PPFIA2: variants seen among roughly 807,000 people sequenced by gnomAD.
PPFIA2 encodes PPFI scaffold protein A2.
Under a neutral mutation model 175.5 loss-of-function variants are expected in PPFIA2, and 46 were observed. The ratio of observed to expected loss-of-function variants is 0.26; its 90% confidence interval spans 0.21 to 0.34. The LOEUF (loss-of-function observed/expected upper bound fraction) is 0.34. PPFIA2 is among the 10% of genes least tolerant of loss of function. The probability of loss-of-function intolerance (pLI) is 1.00; values close to 1 mark genes in which losing one functional copy is unlikely to be tolerated. For missense variants in PPFIA2, 1,179 were observed against 1,506.1 expected, an observed-to-expected ratio of 0.78 and a Z score of 3.60; for synonymous variants, 568 against 511.4, an observed-to-expected ratio of 1.11 and a Z score of -1.49.
chr12:81,565,022 G>A (rs934477814), intron 4 of PPFIA2, among the ~76,000 whole-genome samples: 10 of 152,178 alleles, frequency 6.6e-5, no homozygotes, highest in Non-Finnish European at 1.0e-4. Context: ...CCTGCAACTC[G>A]GAATGGGGAT....
chr12:81,705,206 T>C (rs1369697426), intron 3 of PPFIA2, among the ~76,000 whole-genome samples: 1 of 150,628 alleles, frequency 6.6e-6, no homozygotes, highest in Non-Finnish European at 1.5e-5. Context: ...TCCCAGCAGT[T>C]TGGGAGGCCG....
At chr12:81,473,963 A>C (rs1327720758) in intron 4 of PPFIA2, among the ~76,000 whole-genome samples, 1 of 152,182 alleles carries the variant, frequency 6.6e-6, no homozygotes, top group East Asian at 1.9e-4. Context: ...AAAAACGGCT[A>C]TGTGTCAAAG....
At chr12:81,549,201 A>G (rs1162812844) in intron 4 of PPFIA2, among the ~76,000 whole-genome samples, 3 of 151,878 alleles carry the variant, frequency 2.0e-5, no homozygotes, top group African/African-American at 7.3e-5. Context: ...ATACAGTTCT[A>G]GCTTTGCTGC....
chr12:81,615,412 C>T (rs913508682), intron 4 of PPFIA2, among the ~76,000 whole-genome samples: 20 of 151,974 alleles, frequency 1.3e-4, no homozygotes, highest in African/African-American at 2.7e-4. Context: ...TTTAAAAGAC[C>T]GAAATGAGGT....
chr12:81,712,753 CTT>C (rs888094509), intron 3 of PPFIA2, among the ~76,000 whole-genome samples: 1 of 142,222 alleles, frequency 7.0e-6, no homozygotes, highest in Admixed American at 7.4e-5. Context: ...TGGGACATCA[CTT>C]TTTTTTTTTT....
intron 3 of PPFIA2, among the ~76,000 whole-genome samples, chr12:81,745,456 G>T (rs61935573): frequency 0.17 from 25,402 of 152,134 alleles, 2,615 homozygotes; most frequent in Admixed American, 0.25. Flanking sequence ...ACCACTGTCT[G>T]GGACTTCTGG....
At position 81,631,949 on chromosome 12, in the gene PPFIA2, A is replaced by G. The variant is rs567445437; in HGVS notation, c.303+44842T>C. On this transcript the variant is annotated intron_variant, in intron 4 of 32. Transcript: ENST00000549396. ...CATCTTAGCTATTAATATCAATAAT[A>G]AGGACAAATTAAATATGTATTAAGT... Among the ~76,000 whole-genome samples, 11 of 152,364 alleles carry G rather than the reference A, an allele frequency of 7.2e-5. No homozygotes were observed. In the South Asian group the frequency reaches 2.1e-3, roughly 29 times the overall value.
intron 4 of PPFIA2, 102 bp downstream of exon 4, chr12:81,676,689 G>T (rs1297241491): frequency 1.4e-6 from 1 of 728,140 alleles, no homozygotes; most frequent in Non-Finnish European, 2.0e-6. Context: ...TTTATAAAAA[G>T]TACCTGCATA....
rs192262514 is a variant in PPFIA2, at chr12:81,691,464, T to C, written c.250-14620A>G. Among the ~76,000 whole-genome samples the C allele has an allele frequency of 4.0e-3, 603 of 152,246 alleles. 1 individual carries two copies. The highest frequency in any genetic ancestry group is 6.6e-3 in the Admixed American group (100 of 15,260). On this transcript the variant is annotated intron_variant, in intron 3 of 32. Transcript: ENST00000549396. Reference sequence around the variant, plus strand: ...AGGACTCTGCCTTAAAGTATCCTCTTTCAGTACCTGAAATTCCTTTTATTA... The same window carrying C: ...AGGACTCTGCCTTAAAGTATCCTCTCTCAGTACCTGAAATTCCTTTTATTA...
Position 81,363,059 on chromosome 12 carries a change from G to A in PPFIA2, c.1546-275C>T, listed in dbSNP as rs141470869. Among the ~76,000 whole-genome samples, 641 of 151,524 alleles carry A rather than the reference G, an allele frequency of 4.2e-3. 5 individuals are homozygous for A. Among genetic ancestry groups the A allele is most frequent in the African/African-American group, 0.015 (611 of 41,444 alleles). On this transcript the variant is annotated intron_variant, in intron 14 of 32. Coordinates refer to ENST00000549396, the MANE Select transcript of PPFIA2 (RefSeq NM_003625.5). ...TATTAAAATTATGACTAGCTATGTA[G>A]ATGTCACTTAAAAATGCAGAGTAGA...
At chr12:81,692,720 T>G (rs997121189) in intron 3 of PPFIA2, among the ~76,000 whole-genome samples, 1 of 152,142 alleles carries the variant, frequency 6.6e-6, no homozygotes, top group Non-Finnish European at 1.5e-5. Context: ...CAACTATCAA[T>G]ATGAATCATA....
At chr12:81,334,804 C>T (rs1474982898) in intron 21 of PPFIA2, among the ~76,000 whole-genome samples, 1 of 152,182 alleles carries the variant, frequency 6.6e-6, no homozygotes, top group Admixed American at 6.5e-5. Context: ...CATGTCGATG[C>T]CACTTGCTTC....
At chr12:81,411,031 C>G (rs996447423) in intron 7 of PPFIA2, among the ~76,000 whole-genome samples, 7 of 152,048 alleles carry the variant, frequency 4.6e-5, no homozygotes, top group African/African-American at 1.7e-4. Context: ...AAATGGTTTT[C>G]TGTCACTTGC....
At chr12:81,697,358 T>G (rs1392692637) in intron 3 of PPFIA2, among the ~76,000 whole-genome samples, 2 of 152,066 alleles carry the variant, frequency 1.3e-5, no homozygotes, top group African/African-American at 4.8e-5. Context: ...GAGACTAAAA[T>G]TAAGTATTCT....
At chr12:81,547,427 G>C (rs1483482386) in intron 4 of PPFIA2, among the ~76,000 whole-genome samples, 1 of 151,428 alleles carries the variant, frequency 6.6e-6, no homozygotes, top group Non-Finnish European at 1.5e-5. Flanking sequence ...CCAGGCTGGA[G>C]TGCAATGGCA....
At chr12:81,406,910 T>A (rs2043038181) in intron 7 of PPFIA2, among the ~76,000 whole-genome samples, 1 of 152,124 alleles carries the variant, frequency 6.6e-6, no homozygotes, top group Non-Finnish European at 1.5e-5. Flanking sequence ...AAACATGATA[T>A]CAAGGGGTTG....
intron 4 of PPFIA2, among the ~76,000 whole-genome samples, chr12:81,612,155 T>C (rs73145498): frequency 5.3e-5 from 8 of 152,222 alleles, no homozygotes; most frequent in Non-Finnish European, 8.8e-5. Context: ...CTGCATCTAG[T>C]CAGCCATCTT....
chr12:81,446,782 T>C (rs2051358009), intron 5 of PPFIA2, among the ~76,000 whole-genome samples: 1 of 152,176 alleles, frequency 6.6e-6, no homozygotes, highest in Admixed American at 6.6e-5. Flanking sequence ...TTTCAAGATA[T>C]TTTCTAAAAG....
intron 4 of PPFIA2, among the ~76,000 whole-genome samples, chr12:81,641,877 A>G (rs536196814): frequency 6.6e-6 from 1 of 152,322 alleles, no homozygotes; most frequent in African/African-American, 2.4e-5. Flanking sequence ...TAGCTTATCC[A>G]TTCAGGAAAA....
Sources: gnomAD v4.1 joint callset for allele counts (sites outside exome capture counted in the v4.1 genomes callset) on GRCh38, gnomAD v4.1.1 for gene constraint, MANE v1.5 for transcripts, NCBI Gene and HGNC (gene_info 2026-07-23, HGNC 2026-07-21) for gene names.